Variants in GLP1R observed in about 807,000 individuals in gnomAD.
GLP1R encodes glucagon like peptide 1 receptor, also known as glucagon-like peptide 1 receptor.
In GLP1R, 32 loss-of-function variants were observed where a neutral mutation model predicts 68.4. That is an observed-to-expected ratio of 0.47 (90% confidence interval 0.35 to 0.63). The LOEUF is 0.63. Among genes scored for constraint, GLP1R ranks in the 20% least tolerant of loss-of-function variants. The pLI is 0.00. For missense variants in GLP1R, 502 were observed against 594.9 expected (o/e 0.84, Z 1.62); for synonymous variants, 263 against 244.4 (o/e 1.08, Z -0.71).
At chr6:39,083,295 G>A (rs1769057067) in intron 12 of GLP1R, among the ~76,000 whole-genome samples, 1 of 152,204 alleles carries the variant, frequency 6.6e-6, no homozygotes, top group Non-Finnish European at 1.5e-5. Flanking sequence ...GGCTGCTCCA[G>A]GCACAAGGAC....
intron 1 of GLP1R, among the ~76,000 whole-genome samples, chr6:39,053,989 C>A (rs910650760): frequency 2.6e-5 from 4 of 152,072 alleles, no homozygotes; most frequent in African/African-American, 9.7e-5. Context: ...CCCTGCTGTG[C>A]CCTCCTGCTG....
rs200853463 is a variant in GLP1R at position 39,079,597 on chromosome 6, G to A, written c.1077G>A (p.Leu359=). 1 of 1,607,520 alleles carries A rather than the reference G, an allele frequency of 6.2e-7. No individual in the cohort carries two copies. Among genetic ancestry groups the A allele is most frequent in the Non-Finnish European group, 8.5e-7 (1 of 1,177,320 alleles). Residue 359 remains leucine (L), a synonymous_variant, in exon 11 of 13, where the codon CTG becomes CTA. Transcript: ENST00000373256. This position sits in a 1 kb window ranked among gnomAD's most constrained non-coding sequence, Gnocchi z 4.5. The part of the protein sequence containing the change: ...LAKSTLTLIP[L]LGTHEVIFAF... ...AGTCCACGCTGACACTCATCCCCCT[G>A]CTGGGGACTCATGAGGTCATCTTTG...
rs1348460560 is a variant in GLP1R, at chr6:39,072,663, G to A, written c.510-199G>A. On this transcript the variant is annotated intron_variant, in intron 5 of 12. Transcript: ENST00000373256. ...AGGGGGCAGTGACTACATAGCGGAA[G>A]CCTTCATGGAGAGGCAGGATTTGAG... Among the ~76,000 whole-genome samples the A allele has an allele frequency of 3.3e-5, 5 of 152,220 alleles. No individual in the cohort carries two copies. The East Asian group carries it at 9.6e-4, about 29-fold the overall frequency.
At chr6:39,074,701 C>T (rs767216924) in intron 7 of GLP1R, among the ~76,000 whole-genome samples, 2 of 152,168 alleles carry the variant, frequency 1.3e-5, no homozygotes, top group Non-Finnish European at 2.9e-5. Context: ...TCAGTCACAT[C>T]CAGACTCCTC....
intron 5 of GLP1R, among the ~76,000 whole-genome samples, chr6:39,069,341 T>C (rs909766032): frequency 2.0e-5 from 3 of 152,182 alleles, no homozygotes; most frequent in Non-Finnish European, 2.9e-5. Context: ...TCTGTGAAGA[T>C]TGAAATTTTT....
chr6:39,073,831 T>C (rs1768740458), intron 7 of GLP1R, 62 bp downstream of exon 7: 1 of 1,469,036 alleles, frequency 6.8e-7, no homozygotes, highest in East Asian at 2.3e-5. Flanking sequence ...TTGACCCCTC[T>C]TCTAACATGG....
At chr6:39,059,467 C>A (rs1424360690) in intron 3 of GLP1R, among the ~76,000 whole-genome samples, 1 of 152,124 alleles carries the variant, frequency 6.6e-6, no homozygotes, top group Non-Finnish European at 1.5e-5. Flanking sequence ...GCTGTCTGGG[C>A]ACACCTCTAG....
At position 39,065,729 on chromosome 6, in the gene GLP1R, A is replaced by G. The variant is rs747086141; in HGVS notation, c.302A>G (p.Tyr101Cys). 6.4e-7 allele frequency: 1 copy of G among 1,568,960 alleles called. No homozygotes were observed. The highest frequency in any genetic ancestry group is 1.2e-5 in the South Asian group (1 of 85,370). The change falls in exon 4 of 13, where the codon TAC (tyrosine) becomes TGC (cysteine). Residue 101 changes from tyrosine to cysteine, a missense_variant. Tyr to Cys is a radical substitution (Grantham distance 194). Transcript: ENST00000373256. ...ACCCCAGTGCCGCAGGGCCACGTGTACCGGTTCTGCACAGCTGAAGGCCTC... is the reference window on the plus strand; with the variant it reads ...ACCCCAGTGCCGCAGGGCCACGTGTGCCGGTTCTGCACAGCTGAAGGCCTC... ...WASSVPQGHV[Y>C]RFCTAEGLWL...
chr6:39,086,038 A>T lies in GLP1R; in HGVS notation c.1357A>T (p.Met453Leu). The change falls in exon 13 of 13, where the codon ATG becomes TTG. Residue 453 changes from methionine to leucine, a missense_variant. Coordinates refer to ENST00000373256, the MANE Select transcript of GLP1R (RefSeq NM_002062.5). The surrounding 1 kb of genome is among the most constrained non-coding windows in gnomAD (Gnocchi z 4.5). ...LSSGATAGSS[M>L]YTATCQASCS The stretch of plus-strand genomic sequence containing the variant: ...CAGTGGAGCCACGGCGGGCAGCAGC[A>T]TGTACACAGCCACTTGCCAGGCCTC... 2 of 1,614,008 alleles carry T rather than the reference A, an allele frequency of 1.2e-6. No homozygotes were observed. Among genetic ancestry groups the T allele is most frequent in the Non-Finnish European group, 1.7e-6 (2 of 1,179,948 alleles).
chr6:39,071,522 T>A (rs1033921677), intron 5 of GLP1R, among the ~76,000 whole-genome samples: 1 of 152,150 alleles, frequency 6.6e-6, no homozygotes, highest in African/African-American at 2.4e-5. Context: ...GATTTCATTT[T>A]TTTTTCTGTA....
chr6:39,055,431 A>T (rs973617929), intron 1 of GLP1R, among the ~76,000 whole-genome samples: 1 of 152,196 alleles, frequency 6.6e-6, no homozygotes, highest in Non-Finnish European at 1.5e-5. Flanking sequence ...CAACCCCAAG[A>T]CATAGCTGAA....
chr6:39,078,899 G>A lies in GLP1R; in HGVS notation c.885-58G>A. On this transcript the variant is annotated intron_variant, in intron 8 of 12. Transcript: ENST00000373256. ...ATTGGCGGCCTCTGTGCCTGCACCT[G>A]AGCTGGGGGTCCTGTGAGTCCTGCT... The A allele has an allele frequency of 2.1e-6, 3 of 1,454,338 alleles. No individual in the cohort carries two copies. In the South Asian group the frequency reaches 3.4e-5, roughly 17 times the overall value. The allele number at this position is 1,454,338 out of a possible 1,614,324, so 90.1% of individuals were successfully genotyped here.
At chr6:39,055,146 G>T (rs900637291) in intron 1 of GLP1R, among the ~76,000 whole-genome samples, 2 of 152,200 alleles carry the variant, frequency 1.3e-5, no homozygotes, top group African/African-American at 4.8e-5. Flanking sequence ...AAGTCTCTCA[G>T]GGAGGTGTGT....
chr6:39,077,817 C>T (rs1768870899), intron 7 of GLP1R, among the ~76,000 whole-genome samples: 1 of 152,222 alleles, frequency 6.6e-6, no homozygotes, highest in African/African-American at 2.4e-5. Context: ...TGTCTCCATT[C>T]CAGGATTCTG....
chr6:39,074,003 G>A lies in GLP1R; in HGVS notation c.823+234G>A, dbSNP rs1049419104. Among the ~76,000 whole-genome samples, 4 of 152,126 alleles carry A rather than the reference G, an allele frequency of 2.6e-5. No individual in the cohort carries two copies. The East Asian group carries it at 5.8e-4, about 22-fold the overall frequency. ...CTTAATGGAAGCCTCCACCGCATGT[G>A]GCCAAACACCACCCTCTACCACTAT... On this transcript the variant is annotated intron_variant, in intron 7 of 12. Coordinates refer to ENST00000373256, the MANE Select transcript of GLP1R (RefSeq NM_002062.5).
chr6:39,084,457 C>T (rs902932404), intron 12 of GLP1R, among the ~76,000 whole-genome samples: 4 of 152,126 alleles, frequency 2.6e-5, no homozygotes, highest in African/African-American at 9.7e-5. Flanking sequence ...TCTGGTTTCC[C>T]GGAGGTGTGC....
chr6:39,056,271 G>A, intron 1 of GLP1R, 126 bp from the exon 2 acceptor site: 1 of 582,176 alleles, frequency 1.7e-6, no homozygotes, highest in Non-Finnish European at 3.1e-6. Flanking sequence ...AGAGGTGGCT[G>A]ATGCCTGGCA....
intron 2 of GLP1R, among the ~76,000 whole-genome samples, chr6:39,056,980 A>G (rs2143734): frequency 0.37 from 56,566 of 152,064 alleles, 10,796 homozygotes; most frequent in East Asian, 0.5. Flanking sequence ...GGAGTTCACA[A>G]GGTGGTTTAA....
chr6:39,082,126 G>A (rs1042278892), intron 12 of GLP1R, among the ~76,000 whole-genome samples: 2 of 152,116 alleles, frequency 1.3e-5, no homozygotes, highest in Non-Finnish European at 2.9e-5. Context: ...GGGAAGGGAG[G>A]GGAATGTTCC....
Sources: allele counts gnomAD v4.1 joint callset (sites outside exome capture counted in the v4.1 genomes callset), GRCh38; gene constraint gnomAD v4.1.1; non-coding constraint Gnocchi (gnomAD v3.1); transcripts MANE v1.5; gene names NCBI Gene and HGNC (gene_info 2026-07-23, HGNC 2026-07-21).